CTNND1: variants seen among roughly 807,000 people sequenced by gnomAD.
CTNND1 encodes catenin delta 1.
CTNND1 carries 16 observed loss-of-function variants against 112.1 expected under a neutral mutation model. The ratio of observed to expected loss-of-function variants is 0.14; its 90% CI spans 0.10 to 0.22. The LOEUF (loss-of-function observed/expected upper bound fraction) is 0.22, where lower values mean the gene tolerates loss of function less well. Ranked by LOEUF, CTNND1 falls within the 10% of genes least tolerant of loss-of-function variation. The pLI is 1.00. For missense variants in CTNND1, 1,008 were observed against 1,257.0 expected, an observed-to-expected ratio of 0.80 and a Z score of 3.00; for synonymous variants, 420 against 446.5, an observed-to-expected ratio of 0.94 and a Z score of 0.75.
In CTNND1 at chr11:57,804,729, C is replaced by A. The variant is rs1322408781; in HGVS notation, c.1671C>A (p.Ala557=). The part of the protein sequence containing the change: ...KLRECDGLVD[A]LIFIVQAEIG... Reference sequence around the variant, plus strand: ...GGGAATGTGATGGTTTAGTTGATGCCCTCATTTTCATTGTTCAGGCTGAGA... The same window carrying A: ...GGGAATGTGATGGTTTAGTTGATGCACTCATTTTCATTGTTCAGGCTGAGA... The change falls in exon 9 of 21, where the codon GCC becomes GCA. Residue 557 remains alanine (A), a synonymous_variant. Transcript: ENST00000399050. 8.1e-6 allele frequency: 13 copies of A among 1,613,752 alleles called. No individual in the cohort carries two copies. The highest frequency in any genetic ancestry group is 1.6e-4 in the Middle Eastern group (1 of 6,084).
rs188992234 is a variant in CTNND1 at position 57,786,448 on chromosome 11, G to T, written c.-213-2589G>T. On this transcript the variant is annotated intron_variant, in intron 1 of 20. Transcript: ENST00000399050. ...TTCGGGAGGCTGAGGCAGGAGAATC[G>T]CCTGAACCCAGGAGGTGGAGGTTGC... Among the ~76,000 whole-genome samples the T allele has an allele frequency of 1.5e-4, 23 of 152,132 alleles. No homozygotes were observed. In the East Asian group the frequency reaches 3.9e-3, roughly 26 times the overall value.
chr11:57,808,634 C>G (rs958328919), intron 14 of CTNND1, 94 bp downstream of exon 14: 44 of 1,269,410 alleles, frequency 3.5e-5, no homozygotes, highest in Non-Finnish European at 4.4e-5. Context: ...ATTGAAATGA[C>G]TGAAGGGAAG....
In CTNND1 at chr11:57,818,752, A is replaced by G. The variant is rs2064103654; in HGVS notation, c.*2444A>G. 2.0e-5 allele frequency: 3 copies of G among 152,214 alleles called. No homozygotes were observed. The South Asian group carries it at 6.2e-4, about 32-fold the overall frequency. 9.4% of individuals were successfully genotyped at this position (152,214 alleles called of 1,614,324 possible). On this transcript the variant is annotated 3_prime_UTR_variant, in exon 21 of 21. Transcript: ENST00000399050. ...ATTAATGACTTACTTTAATTACTGGAATTCTTCTGCAACATTTGACAAAAC... is the reference window on the plus strand; with the variant it reads ...ATTAATGACTTACTTTAATTACTGGGATTCTTCTGCAACATTTGACAAAAC...
intron 1 of CTNND1, among the ~76,000 whole-genome samples, chr11:57,767,677 A>G (rs531480652): frequency 2.6e-5 from 1 of 38,936 alleles, no homozygotes; most frequent in Non-Finnish European, 4.7e-5. Flanking sequence ...AATGGGGATA[A>G]TATTAACCAT....
intron 1 of CTNND1, among the ~76,000 whole-genome samples, chr11:57,765,861 C>G (rs1950927331): frequency 6.6e-6 from 1 of 152,044 alleles, no homozygotes; most frequent in South Asian, 2.1e-4. Flanking sequence ...GCAAGTGGTA[C>G]AAAGAATAGT....
chr11:57,794,121 T>A (rs2061075438), intron 4 of CTNND1, 40 bp downstream of exon 4: 1 of 1,573,834 alleles, frequency 6.4e-7, no homozygotes, highest in Non-Finnish European at 8.7e-7. Context: ...TTCATTCATA[T>A]TTTCTTATTT....
In CTNND1 at chr11:57,795,735, C is replaced by G. The variant is rs2136888944; in HGVS notation, c.420+6C>G. On this transcript the variant is annotated splice_donor_region_variant and intron_variant, in intron 5 of 20. Coordinates refer to ENST00000399050, the MANE Select transcript of CTNND1 (RefSeq NM_001085458.2). The stretch of plus-strand genomic sequence containing the variant: ...CTCGGCGCACAGAGACCACGGTAAA[C>G]TAAGACGTGTGTAAGATCTGGAAGT... 2 of 1,584,388 alleles carry G rather than the reference C, an allele frequency of 1.3e-6. No homozygotes were observed. Among genetic ancestry groups the G allele is most frequent in the Non-Finnish European group, 1.7e-6 (2 of 1,170,236 alleles).
At chr11:57,785,319 T>C (rs769818756) in intron 1 of CTNND1, among the ~76,000 whole-genome samples, 1 of 152,174 alleles carries the variant, frequency 6.6e-6, no homozygotes, top group Non-Finnish European at 1.5e-5. Flanking sequence ...AACCACCCTG[T>C]GTATTTTTAT....
chr11:57,773,649 T>A (rs1255123775), intron 1 of CTNND1, among the ~76,000 whole-genome samples: 3 of 151,350 alleles, frequency 2.0e-5, no homozygotes, highest in Admixed American at 6.6e-5. Flanking sequence ...ATTAAAAAAT[T>A]TTTTTGGCTG....
At chr11:57,802,871 C>T (rs911322847) in intron 7 of CTNND1, among the ~76,000 whole-genome samples, 1 of 152,098 alleles carries the variant, frequency 6.6e-6, no homozygotes, top group Non-Finnish European at 1.5e-5. Context: ...CCTGCCCTGC[C>T]CTGAGGACAT....
At chr11:57,785,548 T>TG (rs1555046374) in intron 1 of CTNND1, among the ~76,000 whole-genome samples, 3 of 151,458 alleles carry the variant, frequency 2.0e-5, no homozygotes, top group African/African-American at 7.3e-5. Context: ...GGTGATTTTT[T>TG]TGTGTGTGTG....
rs1406790188 is a variant in CTNND1 at position 57,817,728 on chromosome 11, C to T, written c.*1420C>T. On this transcript the variant is annotated 3_prime_UTR_variant, in exon 21 of 21. Coordinates refer to ENST00000399050, the MANE Select transcript of CTNND1 (RefSeq NM_001085458.2). ...TTTACCATCATCTCTGAAGGAGTTA[C>T]AGGGAAGTGGTCTCCCCAATTCTCC... 6.6e-6 allele frequency: 1 copy of T among 152,594 alleles called. No homozygotes were observed. The highest frequency in any genetic ancestry group is 1.5e-5 in the Non-Finnish European group (1 of 68,052). 9.5% of individuals were successfully genotyped at this position (152,594 alleles called of 1,614,324 possible).
chr11:57,772,372 G>A (rs1952901357), intron 1 of CTNND1, among the ~76,000 whole-genome samples: 1 of 152,090 alleles, frequency 6.6e-6, no homozygotes, highest in African/African-American at 2.4e-5. Flanking sequence ...TGGTTTATGT[G>A]CTTTTGACCA....
At chr11:57,815,177 C>G (rs1254844423) in intron 18 of CTNND1, among the ~76,000 whole-genome samples, 1 of 152,176 alleles carries the variant, frequency 6.6e-6, no homozygotes, top group Non-Finnish European at 1.5e-5. Context: ...ATCTGCCCGT[C>G]TCAGCTTCCC....
At position 57,801,965 on chromosome 11, in the gene CTNND1, A is replaced by C; in HGVS notation, c.1189A>C (p.Asn397His). The C allele has an allele frequency of 6.2e-7, 1 of 1,614,056 alleles. No homozygotes were observed. The highest frequency in any genetic ancestry group is 8.5e-7 in the Non-Finnish European group (1 of 1,179,910). ...ATACCTGCAACACTTATGCTACCGC[A>C]ATGACAAGGTGAAGACTGACGTGCG... is the stretch of plus-strand genomic sequence containing the variant. ...AAYLQHLCYR[N>H]DKVKTDVRKL... Residue 397 changes from asparagine to histidine, a missense_variant, in exon 7 of 21, where the codon AAT (asparagine) becomes CAT (histidine). Transcript: ENST00000399050.
chr11:57,814,869 C>T (rs540446322), intron 18 of CTNND1, among the ~76,000 whole-genome samples: 10 of 152,248 alleles, frequency 6.6e-5, no homozygotes, highest in South Asian at 2.1e-4. Context: ...ATATTTCACT[C>T]GCTCTTCTTT....
rs773509823 is a variant in CTNND1, at chr11:57,791,574, G to A, written c.96G>A (p.Glu32=). 4 of 1,611,446 alleles carry A rather than the reference G, an allele frequency of 2.5e-6. No homozygotes were observed. In the South Asian group the frequency reaches 4.4e-5, roughly 18 times the overall value. ...AGAAGCTGACCCGGGCGCTGGAGGA[G>A]GAACGGCGCCACGTCTCGGCGCAGC... ...QFEKLTRALE[E]ERRHVSAQLE... The change falls in exon 3 of 21, where the codon GAG becomes GAA. Residue 32 remains glutamate (E), a synonymous_variant. Transcript: ENST00000399050.
In CTNND1 at chr11:57,782,818, A is replaced by G. The variant is rs1163702409; in HGVS notation, c.-213-6219A>G. 2.0e-5 allele frequency among the ~76,000 whole-genome samples: 3 copies of G among 152,252 alleles called. No individual in the cohort carries two copies. The East Asian group carries it at 5.8e-4, about 29-fold the overall frequency. ...CATAGAAAGAGTGAACACTAGGAGA[A>G]GGCCATATCCAGAATAATACAGGTT... On this transcript the variant is annotated intron_variant, in intron 1 of 20. Coordinates refer to ENST00000399050, the MANE Select transcript of CTNND1 (RefSeq NM_001085458.2).
Position 57,762,133 on chromosome 11 carries a change from A to G in CTNND1, c.-214+14A>G, listed in dbSNP as rs1004000845. 1.4e-5 allele frequency: 14 copies of G among 979,930 alleles called. No homozygotes were observed. Among genetic ancestry groups the G allele is most frequent in the Middle Eastern group, 5.2e-4 (1 of 1,924 alleles). The allele number at this position is 979,930 out of a possible 1,614,324, so 60.7% of individuals were successfully genotyped here. ...TTTTGTCTTACGGTAACCGGAGGGA[A>G]TTAAAAAACGGGAGAGTCTGTTATG... is the stretch of plus-strand genomic sequence containing the variant. On this transcript the variant is annotated intron_variant, in intron 1 of 20. Coordinates refer to ENST00000399050, the MANE Select transcript of CTNND1 (RefSeq NM_001085458.2).
Sources: gnomAD v4.1 joint callset for allele counts (sites outside exome capture counted in the v4.1 genomes callset) on GRCh38, gnomAD v4.1.1 for gene constraint, MANE v1.5 for transcripts, NCBI Gene and HGNC (gene_info 2026-07-23, HGNC 2026-07-21) for gene names.